Variants in LRPPRC observed in about 807,000 individuals in gnomAD.
LRPPRC encodes the protein leucine rich pentatricopeptide repeat containing, also known as leucine-rich PPR motif-containing protein, mitochondrial.
LRPPRC carries 120 observed loss-of-function variants against 180.3 expected under a neutral mutation model. That is an observed-to-expected ratio of 0.67 (90% confidence interval 0.57 to 0.77). The LOEUF is 0.77. Ranked by LOEUF, LRPPRC falls within the 30% of genes least tolerant of loss-of-function variation. LRPPRC has a pLI of 0.00. For synonymous variants in LRPPRC, 723 were observed against 600.0 expected (o/e 1.21, Z -3.00); for missense variants, 2,012 against 1,657.2 (o/e 1.21, Z -3.72).
intron 25 of LRPPRC, among the ~76,000 whole-genome samples, chr2:43,930,034 T>G (rs947870244): frequency 1.3e-5 from 2 of 152,108 alleles, no homozygotes; most frequent in Non-Finnish European, 2.9e-5. Context: ...GCTGGCTTAT[T>G]AAGGAAGGCA....
chr2:43,951,541 C>T (rs992252042), intron 14 of LRPPRC, among the ~76,000 whole-genome samples: 5 of 152,086 alleles, frequency 3.3e-5, no homozygotes, highest in African/African-American at 4.8e-5. Flanking sequence ...TATGATATTA[C>T]GGTGGTTATG....
chr2:43,977,805 T>C (rs1007593064), intron 3 of LRPPRC, among the ~76,000 whole-genome samples: 3 of 152,152 alleles, frequency 2.0e-5, no homozygotes, highest in African/African-American at 7.2e-5. Context: ...TTTCTTTGTA[T>C]CCCTACTGTT....
chr2:43,960,511 T>C (rs370003366), intron 13 of LRPPRC, 30 bp downstream of exon 13: 22 of 1,151,994 alleles, frequency 1.9e-5, no homozygotes, highest in Non-Finnish European at 2.9e-5. Context: ...TAAACATCTA[T>C]CAAGTTTACC....
intron 12 of LRPPRC, 105 bp from the exon 13 acceptor site, chr2:43,960,739 T>C (rs1673315171): frequency 1.3e-6 from 1 of 748,400 alleles, no homozygotes; most frequent in Non-Finnish European, 2.4e-6. Flanking sequence ...ATTCTCTGAT[T>C]TTCTAGAAAA....
intron 11 of LRPPRC, among the ~76,000 whole-genome samples, chr2:43,972,855 G>A (rs1008045995): frequency 2.0e-5 from 3 of 152,016 alleles, no homozygotes; most frequent in African/African-American, 7.3e-5. Context: ...ATTATACTTC[G>A]AGATAAAATG....
At chr2:43,946,269 A>C (rs1394893254) in intron 20 of LRPPRC, 26 bp from the exon 21 acceptor site, 1 of 1,595,270 alleles carries the variant, frequency 6.3e-7, no homozygotes, top group Admixed American at 1.7e-5. Context: ...GATGTGAAAA[A>C]GAAGAAATCA....
chr2:43,932,582 T>TACATG (rs1057099120), intron 25 of LRPPRC, among the ~76,000 whole-genome samples: 1 of 152,190 alleles, frequency 6.6e-6, no homozygotes, highest in Non-Finnish European at 1.5e-5. Context: ...CCTATTCATG[T>TACATG]GGCAAACATG....
Position 43,979,968 on chromosome 2 carries a change from G to A in LRPPRC, c.347-20C>T, listed in dbSNP as rs1332873724. ...GGCCACCTGTGGAAAAAAGGTTAAT[G>A]GATAACATTTAACATAGCAGCAATA... is the stretch of plus-strand genomic sequence containing the variant. On this transcript the variant is annotated intron_variant, in intron 2 of 37. Coordinates refer to ENST00000260665, the MANE Select transcript of LRPPRC (RefSeq NM_133259.4). 7 of 1,610,322 alleles carry A rather than the reference G, an allele frequency of 4.3e-6. No individual in the cohort carries two copies. The South Asian group carries it at 4.4e-5, about 10-fold the overall frequency.
At chr2:43,983,778 G>A (rs1674412309) in intron 1 of LRPPRC, among the ~76,000 whole-genome samples, 1 of 152,134 alleles carries the variant, frequency 6.6e-6, no homozygotes, top group South Asian at 2.1e-4. Flanking sequence ...GAATGATCAA[G>A]TATGTGTTGT....
At chr2:43,913,985 A>G (rs993620742) in intron 29 of LRPPRC, among the ~76,000 whole-genome samples, 37 of 152,218 alleles carry the variant, frequency 2.4e-4, no homozygotes, top group African/African-American at 8.9e-4. Context: ...TAAGACTTTT[A>G]TTTACTTATT....
chr2:43,944,384 T>A (rs928429537), intron 22 of LRPPRC, among the ~76,000 whole-genome samples: 3 of 152,118 alleles, frequency 2.0e-5, no homozygotes, highest in African/African-American at 7.2e-5. Context: ...TCCAAAAGAC[T>A]GCATGTTAAT....
In LRPPRC at chr2:43,899,316, C is replaced by G; in HGVS notation, c.3728G>C (p.Arg1243Thr). Residue 1243 changes from arginine to threonine, a missense_variant, in exon 34 of 38, where the codon AGA (arginine) becomes ACA (threonine). Physicochemically the swap from Arg to Thr is moderately conservative, Grantham distance 71. Coordinates refer to ENST00000260665, the MANE Select transcript of LRPPRC (RefSeq NM_133259.4). ...AVEKISIMAERLANQFAIYKP... is the reference protein window; with the variant it reads ...AVEKISIMAETLANQFAIYKP... Reference sequence around the variant, plus strand: ...ATAAATTGCAAACTGATTGGCCAATCTCTCCGCCATGATGCTTACTGGAAA... The same window carrying G: ...ATAAATTGCAAACTGATTGGCCAATGTCTCCGCCATGATGCTTACTGGAAA... 1 of 1,613,988 alleles carries G rather than the reference C, an allele frequency of 6.2e-7. No individual in the cohort carries two copies. The highest frequency in any genetic ancestry group is 8.5e-7 in the Non-Finnish European group (1 of 1,179,864).
In LRPPRC at chr2:43,960,583, T is replaced by G; in HGVS notation, c.1540A>C (p.Ser514Arg). 6.2e-7 allele frequency: 1 copy of G among 1,607,432 alleles called. No individual in the cohort carries two copies. The highest frequency in any genetic ancestry group is 8.5e-7 in the Non-Finnish European group (1 of 1,174,988). The part of the protein sequence containing the change: ...SDMFSQAGLR[S>R]EAANGNLDFV... The stretch of plus-strand genomic sequence containing the variant: ...TCTAAGTTCCCATTTGCTGCTTCAC[T>G]TCTCAATCCAGCTTGAGAAAACATA... Residue 514 changes from serine to arginine, a missense_variant, in exon 13 of 38, where the codon AGT (serine) becomes CGT (arginine). Coordinates refer to ENST00000260665, the MANE Select transcript of LRPPRC (RefSeq NM_133259.4).
intron 23 of LRPPRC, among the ~76,000 whole-genome samples, chr2:43,935,205 A>G (rs1029968741): frequency 1.3e-5 from 2 of 152,204 alleles, no homozygotes; most frequent in African/African-American, 2.4e-5. Flanking sequence ...TTATGTAGAA[A>G]GTTGCTGTAA....
chr2:43,945,527 T>C (rs558169515), intron 21 of LRPPRC, 110 bp from the exon 22 acceptor site: 21 of 727,286 alleles, frequency 2.9e-5, no homozygotes, highest in South Asian at 2.6e-4. Flanking sequence ...CCTGAACTAA[T>C]GTTGGCCTCT....
At chr2:43,889,705 T>A in intron 37 of LRPPRC, 29 bp downstream of exon 37, 1 of 1,566,654 alleles carries the variant, frequency 6.4e-7, no homozygotes, top group Non-Finnish European at 8.8e-7. Context: ...TGCAGAGGTA[T>A]TTTTTCCCCT....
At chr2:43,993,807 A>G (rs1274525280) in intron 1 of LRPPRC, among the ~76,000 whole-genome samples, 1 of 152,066 alleles carries the variant, frequency 6.6e-6, no homozygotes, top group Non-Finnish European at 1.5e-5. Flanking sequence ...ATAAATCTAC[A>G]GTGGGACCGG....
chr2:43,968,705 C>T (rs1559030883), intron 11 of LRPPRC, among the ~76,000 whole-genome samples: 2 of 152,184 alleles, frequency 1.3e-5, no homozygotes. Flanking sequence ...GAAAGTAGGA[C>T]AGCAGTTGCC....
chr2:43,976,072 G>A (rs1039727720), intron 6 of LRPPRC, 71 bp downstream of exon 6: 4 of 850,410 alleles, frequency 4.7e-6, no homozygotes, highest in Non-Finnish European at 6.1e-6. Flanking sequence ...AAACAAAAAA[G>A]GAGTAAAATG....
Sources: allele counts gnomAD v4.1 joint callset (sites outside exome capture counted in the v4.1 genomes callset), GRCh38; gene constraint gnomAD v4.1.1; transcripts MANE v1.5; gene names NCBI Gene and HGNC (gene_info 2026-07-23, HGNC 2026-07-21).